The following OTUD7A variants were observed in gnomAD, a reference collection of about 807,000 sequenced individuals.
The protein encoded by OTUD7A is OTU deubiquitinase 7A.
OTUD7A carries 12 observed loss-of-function variants against 65.7 expected under a neutral mutation model. The ratio of observed to expected loss-of-function variants is 0.18; its 90% CI spans 0.12 to 0.30. The LOEUF (loss-of-function observed/expected upper bound fraction) is 0.30. OTUD7A is among the 10% of genes least tolerant of loss of function. OTUD7A has a pLI of 1.00. For missense variants in OTUD7A, 1,148 were observed against 1,304.8 expected, an observed-to-expected ratio of 0.88 and a Z score of 1.85; for synonymous variants, 641 against 586.3, an observed-to-expected ratio of 1.09 and a Z score of -1.35.
At chr15:31,541,656 G>A (rs768281300) in intron 5 of OTUD7A, among the ~76,000 whole-genome samples, 7 of 152,030 alleles carry the variant, frequency 4.6e-5, no homozygotes, top group Non-Finnish European at 7.4e-5. Flanking sequence ...TCCAACAACC[G>A]GAAATAAATA....
chr15:31,556,384 G>A (rs16956867), intron 5 of OTUD7A: 27,329 of 152,130 alleles, frequency 0.18, 2,597 homozygotes, highest in East Asian at 0.24. Flanking sequence ...GGTTCTCTTC[G>A]TGGTGCCCAA....
At chr15:31,647,058 T>G (rs995962166) in intron 3 of OTUD7A, among the ~76,000 whole-genome samples, 1 of 152,186 alleles carries the variant, frequency 6.6e-6, no homozygotes, top group Non-Finnish European at 1.5e-5. Context: ...TTTTGACATT[T>G]TTTCCCCAAA....
chr15:31,530,841 C>T, intron 5 of OTUD7A, 33 bp from the exon 6 acceptor site: 2 of 1,592,782 alleles, frequency 1.3e-6, no homozygotes, highest in Non-Finnish European at 1.7e-6. Context: ...AACAGGATCC[C>T]AGAAAAGGAA....
intron 8 of OTUD7A, among the ~76,000 whole-genome samples, chr15:31,508,644 G>T (rs1037530999): frequency 6.6e-6 from 1 of 152,244 alleles, no homozygotes. Context: ...GAGGCACTGC[G>T]CCAGGCAAGA....
intron 1 of OTUD7A, among the ~76,000 whole-genome samples, chr15:31,790,202 G>A (rs973030614): frequency 1.3e-5 from 2 of 152,196 alleles, no homozygotes; most frequent in African/African-American, 2.4e-5. Context: ...CCTACATGGC[G>A]TCAGGATCCC....
At chr15:31,829,712 G>A (rs550181780) in intron 1 of OTUD7A, among the ~76,000 whole-genome samples, 1 of 152,276 alleles carries the variant, frequency 6.6e-6, no homozygotes, top group South Asian at 2.1e-4. Flanking sequence ...CACAACCCAG[G>A]GAGACAGAAA....
At chr15:31,533,291 C>T (rs189469519) in intron 5 of OTUD7A, among the ~76,000 whole-genome samples, 2 of 146,872 alleles carry the variant, frequency 1.4e-5, no homozygotes, top group East Asian at 2.0e-4. Context: ...GGCTGGAGTG[C>T]AGTGGTGCAA....
Position 31,657,003 on chromosome 15 carries a change from T to C in OTUD7A, c.-25A>G, listed in dbSNP as rs1171639271. 1 of 152,688 alleles carries C rather than the reference T, an allele frequency of 6.5e-6. No individual in the cohort carries two copies. Among genetic ancestry groups the C allele is most frequent in the Non-Finnish European group, 1.5e-5 (1 of 68,054 alleles). The allele number at this position is 152,688 out of a possible 1,614,324, so 9.5% of individuals were successfully genotyped here. On this transcript the variant is annotated 5_prime_UTR_variant, in exon 2 of 13. The change abolishes the stop of an existing upstream ORF in the 5' untranslated region. Coordinates refer to ENST00000307050, the MANE Select transcript of OTUD7A (RefSeq NM_001382637.1). ...TTGACCTGATGTATATGGTACCAAT[T>C]AGGAAATTGATTTCTTCCTTCTCTC...
At chr15:31,857,119 A>G (rs1359428331) in intron 1 of OTUD7A, among the ~76,000 whole-genome samples, 2 of 152,222 alleles carry the variant, frequency 1.3e-5, no homozygotes, top group African/African-American at 4.8e-5. Context: ...GAGACGCCTC[A>G]GCTCCCAGGC....
In OTUD7A at chr15:31,484,430, C is replaced by T. The variant is rs139698222; in HGVS notation, c.1666G>A (p.Ala556Thr). ...VHGKMGRANS[A>T]NGKNGDSAER... is the part of the protein sequence containing the mutation. ...GCCGAGTCCCCGTTCTTGCCATTGG[C>T]GGAGTTGGCGCGGCCCATCTTGCCG... Residue 556 changes from alanine to threonine, a missense_variant, in exon 13 of 13, where the codon GCC becomes ACC. By Grantham distance (58) the Ala-to-Thr change is moderately conservative. Coordinates refer to ENST00000307050, the MANE Select transcript of OTUD7A (RefSeq NM_001382637.1). The surrounding 1 kb of genome is among the most constrained non-coding windows in gnomAD (Gnocchi z 4.5). 17 of 1,602,910 alleles carry T rather than the reference C, an allele frequency of 1.1e-5. 1 individual carries two copies. The highest frequency in any genetic ancestry group is 6.6e-5 in the South Asian group (6 of 91,078).
At chr15:31,549,708 G>A (rs554459308) in intron 5 of OTUD7A, among the ~76,000 whole-genome samples, 1 of 152,130 alleles carries the variant, frequency 6.6e-6, no homozygotes, top group African/African-American at 2.4e-5. Context: ...GAAAGGGGGA[G>A]AGAGGAGAGA....
At chr15:31,532,278 C>T (rs533629752) in intron 5 of OTUD7A, among the ~76,000 whole-genome samples, 1 of 152,102 alleles carries the variant, frequency 6.6e-6, no homozygotes, top group Non-Finnish European at 1.5e-5. Context: ...ACAAACATAC[C>T]TAAGACAAAT....
chr15:31,750,907 G>A (rs918672123), intron 1 of OTUD7A, among the ~76,000 whole-genome samples: 4 of 152,084 alleles, frequency 2.6e-5, no homozygotes, highest in South Asian at 4.2e-4. Flanking sequence ...CCTCCCTATC[G>A]CCATATAAAA....
At chr15:31,770,439 C>T (rs1452968066) in intron 1 of OTUD7A, among the ~76,000 whole-genome samples, 1 of 152,156 alleles carries the variant, frequency 6.6e-6, no homozygotes, top group Non-Finnish European at 1.5e-5. Context: ...ACTCTTCCCA[C>T]AAAGTAAAGT....
At chr15:31,655,326 C>G (rs1252793732) in intron 2 of OTUD7A, 76 bp from the exon 3 acceptor site, 1 of 660,684 alleles carries the variant, frequency 1.5e-6, no homozygotes, top group Non-Finnish European at 2.6e-6. Context: ...ATGCAGAGAC[C>G]TGAGCGAGAG....
chr15:31,537,335 CTTA>C (rs1184161599), intron 5 of OTUD7A, among the ~76,000 whole-genome samples: 1 of 152,164 alleles, frequency 6.6e-6, no homozygotes, highest in East Asian at 1.9e-4. Context: ...TAACTGCGCC[CTTA>C]ATTCTAAATA....
intron 1 of OTUD7A, among the ~76,000 whole-genome samples, chr15:31,836,298 G>A (rs577087695): frequency 6.6e-6 from 1 of 152,208 alleles, no homozygotes; most frequent in Admixed American, 6.5e-5. Context: ...TATCCCCAGG[G>A]CAGGCCATTT....
intron 3 of OTUD7A, among the ~76,000 whole-genome samples, chr15:31,587,729 A>C (rs1251970451): frequency 1.3e-5 from 2 of 151,812 alleles, no homozygotes; most frequent in Admixed American, 1.3e-4. Context: ...ATAACTTCGG[A>C]GTCTTCCCCA....
At chr15:31,592,351 C>T (rs145869888) in intron 3 of OTUD7A, among the ~76,000 whole-genome samples, 4 of 151,938 alleles carry the variant, frequency 2.6e-5, no homozygotes, top group African/African-American at 9.6e-5. Flanking sequence ...TATTTTCTTT[C>T]TTTATATCCT....
Sources: gnomAD v4.1 joint callset for allele counts (sites outside exome capture counted in the v4.1 genomes callset) on GRCh38, gnomAD v4.1.1 for gene constraint, Gnocchi (gnomAD v3.1) non-coding constraint, MANE v1.5 for transcripts, NCBI Gene and HGNC (gene_info 2026-07-23, HGNC 2026-07-21) for gene names.